NEK6: variants seen among roughly 807,000 people sequenced by gnomAD.
NEK6 encodes the protein serine/threonine-protein kinase Nek6.
NEK6 carries 27 observed loss-of-function variants against 43.5 expected under a neutral mutation model. That is an observed-to-expected ratio of 0.62 (90% CI 0.46 to 0.86). NEK6 has a LOEUF of 0.86. Ranked by LOEUF, NEK6 falls within the 40% of genes least tolerant of loss-of-function variation. The pLI is 0.00. For missense variants in NEK6, 318 were observed against 414.4 expected (o/e 0.77, Z 2.02); for synonymous variants, 167 against 164.1 (o/e 1.02, Z -0.14).
chr9:124,286,834 T>C (rs1331994178), intron 1 of NEK6, among the ~76,000 whole-genome samples: 1 of 152,120 alleles, frequency 6.6e-6, no homozygotes, highest in East Asian at 1.9e-4. Context: ...CTGACATGAG[T>C]AGGGACTTCC....
chr9:124,287,136 C>A (rs555279315), intron 1 of NEK6, among the ~76,000 whole-genome samples: 169 of 152,264 alleles, frequency 1.1e-3, no homozygotes, highest in East Asian at 5.8e-3. Context: ...CAGGGTGCAG[C>A]CCTCTTGGCC....
At chr9:124,292,909 C>T (rs763324376) in intron 1 of NEK6, 61 of 1,504,292 alleles carry the variant, frequency 4.1e-5, no homozygotes, top group East Asian at 9.9e-5. Flanking sequence ...CTGGGAGTGA[C>T]GGGGTGAGTC....
intron 7 of NEK6, among the ~76,000 whole-genome samples, chr9:124,336,482 C>T (rs1226143315): frequency 1.3e-5 from 2 of 152,122 alleles, no homozygotes; most frequent in African/African-American, 4.8e-5. Context: ...TCTCCTGACC[C>T]GTGAAACCCT....
chr9:124,271,902 C>A (rs1202754405), intron 1 of NEK6, among the ~76,000 whole-genome samples: 1 of 152,262 alleles, frequency 6.6e-6, no homozygotes, highest in African/African-American at 2.4e-5. Flanking sequence ...GTACTTGTGC[C>A]CAGAGAGACA....
At chr9:124,341,492 T>TA (rs1460322173) in intron 8 of NEK6, among the ~76,000 whole-genome samples, 1 of 151,460 alleles carries the variant, frequency 6.6e-6, no homozygotes, top group Non-Finnish European at 1.5e-5. Flanking sequence ...GTCTGTGGGT[T>TA]AGTCTGGCCC....
At chr9:124,344,902 G>T (rs1442892563) in intron 8 of NEK6, among the ~76,000 whole-genome samples, 3 of 152,218 alleles carry the variant, frequency 2.0e-5, no homozygotes, top group Non-Finnish European at 4.4e-5. Context: ...GCCCCTCCGT[G>T]GTGGAGGAGC....
intron 1 of NEK6, chr9:124,292,572 C>G (rs920337717): frequency 6.5e-7 from 1 of 1,536,386 alleles, no homozygotes; most frequent in Admixed American, 2.0e-5. Flanking sequence ...AGCCCTCCAG[C>G]CCCCGGGGCT....
At chr9:124,316,838 T>G (rs1196227711) in intron 4 of NEK6, among the ~76,000 whole-genome samples, 1 of 152,126 alleles carries the variant, frequency 6.6e-6, no homozygotes, top group African/African-American at 2.4e-5. Context: ...CCTCCTCCCC[T>G]CCCCAGGAAC....
chr9:124,348,634 A>G (rs1323692731), intron 9 of NEK6, among the ~76,000 whole-genome samples: 1 of 152,204 alleles, frequency 6.6e-6, no homozygotes, highest in Non-Finnish European at 1.5e-5. Context: ...GATTAAGGTA[A>G]GGCACCAGGC....
At position 124,351,134 on chromosome 9, in the gene NEK6, A is replaced by G. The variant is rs1026496271; in HGVS notation, c.*187A>G. Reference sequence around the variant, plus strand: ...CAGCTGAGGGAGGGGCGCTGGCCACATGTCACTGATGGTCAGATTCCAAAG... The same window carrying G: ...CAGCTGAGGGAGGGGCGCTGGCCACGTGTCACTGATGGTCAGATTCCAAAG... On this transcript the variant is annotated 3_prime_UTR_variant, in exon 10 of 10. Coordinates refer to ENST00000320246, the MANE Select transcript of NEK6 (RefSeq NM_014397.6). The G allele has an allele frequency of 5.4e-6, 3 of 556,278 alleles. No individual in the cohort carries two copies. Among genetic ancestry groups the G allele is most frequent in the Non-Finnish European group, 9.7e-6 (3 of 308,504 alleles). The allele number at this position is 556,278 out of a possible 1,614,324, so 34.5% of individuals were successfully genotyped here.
chr9:124,326,998 T>C lies in NEK6; in HGVS notation c.515-340T>C, dbSNP rs952897031. Among the ~76,000 whole-genome samples the C allele has an allele frequency of 6.6e-6, 1 of 152,142 alleles. No individual in the cohort carries two copies. Among genetic ancestry groups the C allele is most frequent in the Non-Finnish European group, 1.5e-5 (1 of 68,002 alleles). On this transcript the variant is annotated intron_variant, in intron 6 of 9. Transcript: ENST00000320246. The surrounding 1 kb of genome is among the most constrained non-coding windows in gnomAD (Gnocchi z 4.5). The stretch of plus-strand genomic sequence containing the variant: ...CTCCACTGAGCACTCCGTTCATTCA[T>C]TACGCAGATTTTCCCTGAGGGCCTC...
Position 124,350,907 on chromosome 9 carries a change from A to G in NEK6, c.902A>G (p.Gln301Arg). Residue 301 changes from glutamine to arginine, a missense_variant, in exon 10 of 10, where the codon CAG becomes CGG. Physicochemically the swap from Gln to Arg is conservative, Grantham distance 43. This residue lies in a region of NEK6 where 79 missense variants were observed against 70.0 expected (regional missense o/e 1.13). Coordinates refer to ENST00000320246, the MANE Select transcript of NEK6 (RefSeq NM_014397.6). The stretch of plus-strand genomic sequence containing the variant: ...AGACCTGACATCGGATACGTGCACC[A>G]GGTGGCCAAGCAGATGCACATCTGG... ...HQRPDIGYVH[Q>R]VAKQMHIWMS... 2 of 1,611,438 alleles carry G rather than the reference A, an allele frequency of 1.2e-6. 1 individual carries two copies. Among genetic ancestry groups the G allele is most frequent in the South Asian group, 2.2e-5 (2 of 91,076 alleles).
chr9:124,310,233 G>A (rs142054906), intron 2 of NEK6, among the ~76,000 whole-genome samples: 1 of 152,372 alleles, frequency 6.6e-6, no homozygotes, highest in African/African-American at 2.4e-5. Context: ...AATGGGGACA[G>A]CAGTGAGGCC....
intron 1 of NEK6, among the ~76,000 whole-genome samples, chr9:124,277,070 G>A (rs1018356430): frequency 1.3e-5 from 2 of 152,224 alleles, no homozygotes; most frequent in African/African-American, 4.8e-5. Context: ...TTAGAGGCCA[G>A]TGGGGAGGCC....
intron 4 of NEK6, among the ~76,000 whole-genome samples, chr9:124,318,222 T>C (rs1287530806): frequency 6.6e-6 from 1 of 152,192 alleles, no homozygotes; most frequent in Non-Finnish European, 1.5e-5. Flanking sequence ...CCATTCTGAC[T>C]GGTGTGAAAT....
At chr9:124,291,117 C>G (rs1832397242) in intron 1 of NEK6, among the ~76,000 whole-genome samples, 1 of 152,188 alleles carries the variant, frequency 6.6e-6, no homozygotes, top group Non-Finnish European at 1.5e-5. Context: ...TAAGCTCTTT[C>G]AACTCGTGCA....
intron 8 of NEK6, 74 bp downstream of exon 8, chr9:124,339,739 C>A: frequency 9.2e-7 from 1 of 1,084,824 alleles, no homozygotes. Context: ...ACAGGGCTCA[C>A]CCTACCAGCT....
At chr9:124,259,970 A>T (rs1305869124) in intron 1 of NEK6, among the ~76,000 whole-genome samples, 1 of 152,082 alleles carries the variant, frequency 6.6e-6, no homozygotes, top group Non-Finnish European at 1.5e-5. Flanking sequence ...GGAAATGGGG[A>T]GGAAGTTCCC....
chr9:124,298,501 C>T (rs1037647308), intron 1 of NEK6, among the ~76,000 whole-genome samples: 1 of 152,030 alleles, frequency 6.6e-6, no homozygotes, highest in Non-Finnish European at 1.5e-5. Context: ...GGCTCCTGCC[C>T]CTGGGGACCC....
Sources: gnomAD v4.1 joint callset for allele counts (sites outside exome capture counted in the v4.1 genomes callset) on GRCh38, gnomAD v4.1.1 for gene constraint, gnomAD v4.1.1 regional missense constraint, Gnocchi (gnomAD v3.1) non-coding constraint, MANE v1.5 for transcripts, NCBI Gene and HGNC (gene_info 2026-07-23, HGNC 2026-07-21) for gene names.